The following ITGBL1 variants were observed in gnomAD, a reference collection of about 807,000 sequenced individuals.
ITGBL1 encodes the protein integrin beta-like protein 1.
ITGBL1 carries 51 observed loss-of-function variants against 68.5 expected under a neutral mutation model. That is an observed-to-expected ratio of 0.74 (90% CI 0.59 to 0.94). The LOEUF is 0.94. ITGBL1 is among the 40% of genes least tolerant of loss of function. ITGBL1 has a pLI of 0.00. For missense variants in ITGBL1, 649 were observed against 647.4 expected (o/e 1.00, Z -0.03); for synonymous variants, 209 against 227.3 (o/e 0.92, Z 0.72).
intron 7 of ITGBL1, among the ~76,000 whole-genome samples, chr13:101,667,911 A>AG (rs2033262345): frequency 6.6e-6 from 1 of 151,886 alleles, no homozygotes; most frequent in Admixed American, 6.6e-5. Context: ...AAAAAAAAAA[A>AG]AACCCCAAAT....
chr13:101,618,886 T>C (rs1377312318), intron 7 of ITGBL1, among the ~76,000 whole-genome samples: 2 of 152,102 alleles, frequency 1.3e-5, no homozygotes, highest in Non-Finnish European at 2.9e-5. Flanking sequence ...AAACTCAGAT[T>C]GACTTTGCTT....
intron 7 of ITGBL1, among the ~76,000 whole-genome samples, chr13:101,619,520 G>A (rs553651743): frequency 3.2e-4 from 49 of 152,284 alleles, no homozygotes; most frequent in African/African-American, 1.1e-3. Context: ...AAAGCCTCCA[G>A]AAGGAATGTA....
intron 10 of ITGBL1, chr13:101,715,093 T>C: frequency 6.0e-6 from 1 of 167,838 alleles, no homozygotes; most frequent in Non-Finnish European, 1.3e-5. Context: ...GAGACATGTA[T>C]ACTTCTCCTC....
chr13:101,709,335 G>A (rs537123628), intron 9 of ITGBL1, among the ~76,000 whole-genome samples: 73 of 126,230 alleles, frequency 5.8e-4, no homozygotes, highest in African/African-American at 1.2e-3. Flanking sequence ...ACTGCAGTCC[G>A]CAGTCCGGCC....
chr13:101,710,732 G>C (rs2034424586), intron 9 of ITGBL1: 1 of 152,148 alleles, frequency 6.6e-6, no homozygotes, highest in Non-Finnish European at 1.5e-5. Flanking sequence ...CACACAGCTT[G>C]GTGGCCTGTA....
chr13:101,494,957 G>T (rs2048835013), intron 2 of ITGBL1, among the ~76,000 whole-genome samples: 3 of 152,250 alleles, frequency 2.0e-5, no homozygotes, highest in African/African-American at 7.2e-5. Flanking sequence ...CACTGCCAAA[G>T]AATAGGAATG....
intron 6 of ITGBL1, among the ~76,000 whole-genome samples, chr13:101,589,886 G>A (rs547411688): frequency 6.6e-6 from 1 of 152,326 alleles, no homozygotes; most frequent in African/African-American, 2.4e-5. Flanking sequence ...GAAAAGAGGT[G>A]TGGGAGCTTA....
At chr13:101,711,785 A>C (rs2034479763) in intron 9 of ITGBL1, 1 of 152,264 alleles carries the variant, frequency 6.6e-6, no homozygotes, top group Non-Finnish European at 1.5e-5. Flanking sequence ...GCAAAAATGC[A>C]CAGAAGGGAG....
chr13:101,685,649 A>T (rs1257806099), intron 7 of ITGBL1, among the ~76,000 whole-genome samples: 1 of 152,080 alleles, frequency 6.6e-6, no homozygotes, highest in Non-Finnish European at 1.5e-5. Flanking sequence ...ATTAGTATTT[A>T]AGCAATTTTC....
At chr13:101,684,386 A>C (rs1456178430) in intron 7 of ITGBL1, among the ~76,000 whole-genome samples, 2 of 151,902 alleles carry the variant, frequency 1.3e-5, no homozygotes, top group African/African-American at 4.8e-5. Flanking sequence ...AGCTTTAAAA[A>C]ATCCTGATAA....
intron 2 of ITGBL1, among the ~76,000 whole-genome samples, chr13:101,548,037 G>A (rs977672125): frequency 1.3e-5 from 2 of 151,158 alleles, no homozygotes; most frequent in African/African-American, 4.9e-5. Context: ...TAAAAGTCTT[G>A]TTACCACCAA....
intron 2 of ITGBL1, among the ~76,000 whole-genome samples, chr13:101,535,251 A>C (rs867277919): frequency 6.6e-6 from 1 of 152,134 alleles, no homozygotes; most frequent in Non-Finnish European, 1.5e-5. Flanking sequence ...CTCAAAAAAA[A>C]GAGCAAACTT....
intron 2 of ITGBL1, among the ~76,000 whole-genome samples, chr13:101,469,061 G>C (rs1005895264): frequency 1.3e-5 from 2 of 152,146 alleles, no homozygotes; most frequent in African/African-American, 4.8e-5. Context: ...TGGCTATTAC[G>C]AATAAGTCAC....
At chr13:101,577,007 TA>T in intron 4 of ITGBL1, among the ~76,000 whole-genome samples, 1 of 151,108 alleles carries the variant, frequency 6.6e-6, no homozygotes, top group Middle Eastern at 3.5e-3. Context: ...TGTGTGTTGA[TA>T]AACACCACAA....
intron 7 of ITGBL1, among the ~76,000 whole-genome samples, chr13:101,603,314 C>T (rs1594921230): frequency 6.6e-6 from 1 of 152,066 alleles, no homozygotes; most frequent in African/African-American, 2.4e-5. Context: ...TTGTTTGCAG[C>T]ACAGATATTT....
intron 7 of ITGBL1, among the ~76,000 whole-genome samples, chr13:101,627,026 T>C (rs552689450): frequency 6.8e-4 from 103 of 152,302 alleles, no homozygotes; most frequent in Non-Finnish European, 1.3e-3. Context: ...TTTAACCTTT[T>C]GGAGACTCCT....
intron 2 of ITGBL1, among the ~76,000 whole-genome samples, chr13:101,532,215 A>G (rs2049495613): frequency 6.6e-6 from 1 of 152,208 alleles, no homozygotes; most frequent in Non-Finnish European, 1.5e-5. Flanking sequence ...AAAACAAAAT[A>G]TGTAAAGAAG....
At chr13:101,625,699 C>T (rs975115135) in intron 7 of ITGBL1, among the ~76,000 whole-genome samples, 2 of 152,022 alleles carry the variant, frequency 1.3e-5, no homozygotes, top group African/African-American at 4.8e-5. Context: ...AATACAGGAG[C>T]CTGCCATCAT....
intron 2 of ITGBL1, among the ~76,000 whole-genome samples, chr13:101,505,290 T>C (rs2049009445): frequency 6.6e-6 from 1 of 152,188 alleles, no homozygotes; most frequent in Non-Finnish European, 1.5e-5. Flanking sequence ...GAAGTGTGCA[T>C]GTAAATGGAA....
Sources: allele counts gnomAD v4.1 joint callset (sites outside exome capture counted in the v4.1 genomes callset), GRCh38; gene constraint gnomAD v4.1.1; transcripts MANE v1.5; gene names NCBI Gene and HGNC (gene_info 2026-07-23, HGNC 2026-07-21).